COMMD10: variants seen among roughly 807,000 people sequenced by gnomAD.
The protein encoded by COMMD10 is COMM domain-containing protein 10.
A neutral mutation model predicts 28.9 loss-of-function variants in COMMD10; 33 were observed. That is an observed-to-expected ratio of 1.14 (90% CI 0.87 to 1.53). The LOEUF is 1.53. COMMD10 is among the 40% of genes most tolerant of loss of function. COMMD10 has a pLI of 0.00. For synonymous variants in COMMD10, 110 were observed against 81.7 expected, an observed-to-expected ratio of 1.35 and a Z score of -1.87; for missense variants, 310 against 233.4, an observed-to-expected ratio of 1.33 and a Z score of -2.14.
At chr5:116,111,970 G>C (rs1020631992) in intron 4 of COMMD10, among the ~76,000 whole-genome samples, 3 of 152,110 alleles carry the variant, frequency 2.0e-5, no homozygotes, top group African/African-American at 7.2e-5. Context: ...TGTATGTTTA[G>C]AATTGTTATG....
chr5:116,210,949 A>C (rs1043320809), intron 5 of COMMD10, among the ~76,000 whole-genome samples: 3 of 152,112 alleles, frequency 2.0e-5, no homozygotes, highest in African/African-American at 7.2e-5. Context: ...TAGTTACAAG[A>C]ACATTTACAT....
At chr5:116,216,973 G>A (rs2161321) in intron 5 of COMMD10, among the ~76,000 whole-genome samples, 47,558 of 151,976 alleles carry the variant, frequency 0.31, 10,281 homozygotes, top group African/African-American at 0.62. Flanking sequence ...TTATCAGGAT[G>A]TTTTGAGGGG....
intron 5 of COMMD10, among the ~76,000 whole-genome samples, chr5:116,221,396 C>G (rs149274094): frequency 4.5e-4 from 68 of 152,266 alleles, no homozygotes; most frequent in African/African-American, 1.6e-3. Flanking sequence ...GTGTTACAAA[C>G]CCTGCTATCT....
In COMMD10 at chr5:116,292,900, T is replaced by G. The variant is rs1751408723; in HGVS notation, c.*411T>G. 2.5e-6 allele frequency: 1 copy of G among 394,912 alleles called. No homozygotes were observed. The highest frequency in any genetic ancestry group is 4.5e-6 in the Non-Finnish European group (1 of 223,988). 24.5% of individuals were successfully genotyped at this position (394,912 alleles called of 1,614,324 possible). A position where few individuals can be genotyped will look rare whatever the true frequency, so the allele number is the denominator to read the frequency against. On this transcript the variant is annotated 3_prime_UTR_variant, in exon 7 of 7. Transcript: ENST00000274458. ...TACAGAGCTTTGGTAATTACATGAA[T>G]AAAATTAAGAAAATAGCCATATACA...
intron 4 of COMMD10, among the ~76,000 whole-genome samples, chr5:116,111,649 A>T (rs1302602653): frequency 6.6e-6 from 1 of 152,108 alleles, no homozygotes; most frequent in Non-Finnish European, 1.5e-5. Context: ...ACTTGGTATG[A>T]TTTGATTTTT....
intron 5 of COMMD10, among the ~76,000 whole-genome samples, chr5:116,266,295 A>G (rs1750582426): frequency 6.6e-6 from 1 of 151,680 alleles, no homozygotes; most frequent in Admixed American, 6.6e-5. Flanking sequence ...ATAATTTTTG[A>G]GGTATTATGG....
rs1239213793 is a variant in COMMD10 at position 116,276,972 on chromosome 5, C to G, written c.511-14545C>G. ...ATTAATTGTGGTGATAGTTGCACAA[C>G]TGTATGAACATTCTAAAAACCATTG... On this transcript the variant is annotated intron_variant, in intron 5 of 6. Transcript: ENST00000274458. Among the ~76,000 whole-genome samples, 6 of 151,862 alleles carry G rather than the reference C, an allele frequency of 4.0e-5. No individual in the cohort carries two copies. The East Asian group carries it at 1.2e-3, about 29-fold the overall frequency.
intron 5 of COMMD10, among the ~76,000 whole-genome samples, chr5:116,244,183 C>T (rs758487982): frequency 6.6e-6 from 1 of 151,982 alleles, no homozygotes; most frequent in Non-Finnish European, 1.5e-5. Flanking sequence ...GAGGTAGGGA[C>T]TGGTAAAAGA....
intron 4 of COMMD10, among the ~76,000 whole-genome samples, chr5:116,115,854 T>C (rs1174412330): frequency 6.6e-6 from 1 of 152,198 alleles, no homozygotes; most frequent in East Asian, 1.9e-4. Context: ...TTATGAGACT[T>C]GTAAATAATA....
chr5:116,286,849 T>A (rs951805190), intron 5 of COMMD10, among the ~76,000 whole-genome samples: 3 of 151,812 alleles, frequency 2.0e-5, no homozygotes, highest in African/African-American at 7.3e-5. Context: ...ATTAGAGTGT[T>A]CCGTATATGT....
chr5:116,128,460 A>G (rs1015293827), intron 4 of COMMD10, among the ~76,000 whole-genome samples: 2 of 152,076 alleles, frequency 1.3e-5, no homozygotes, highest in Non-Finnish European at 2.9e-5. Flanking sequence ...TAAAGAAATT[A>G]CATTAATATA....
Position 116,139,745 on chromosome 5 carries a change from T to G in COMMD10, c.510+5567T>G, listed in dbSNP as rs544780452. On this transcript the variant is annotated intron_variant, in intron 5 of 6. Transcript: ENST00000274458. ...TAAATAAAATCATTCTCTCACATAT[T>G]TAACATTGTTGAGTGGATTTTAAAT... Among the ~76,000 whole-genome samples, 48 of 151,820 alleles carry G rather than the reference T, an allele frequency of 3.2e-4. 1 individual carries two copies. Among genetic ancestry groups the G allele is most frequent in the Middle Eastern group, 3.4e-3 (1 of 294 alleles).
At chr5:116,148,640 C>T (rs773114151) in intron 5 of COMMD10, among the ~76,000 whole-genome samples, 1 of 148,608 alleles carries the variant, frequency 6.7e-6, no homozygotes, top group Non-Finnish European at 1.5e-5. Context: ...TCAATGGATT[C>T]TTTTTTTTTT....
chr5:116,209,177 A>G (rs539562151), intron 5 of COMMD10, among the ~76,000 whole-genome samples: 1 of 152,042 alleles, frequency 6.6e-6, no homozygotes, highest in South Asian at 2.1e-4. Context: ...TGACTAATTT[A>G]ATAATTTTTT....
At chr5:116,127,018 T>C (rs1274010042) in intron 4 of COMMD10, among the ~76,000 whole-genome samples, 1 of 152,122 alleles carries the variant, frequency 6.6e-6, no homozygotes, top group Non-Finnish European at 1.5e-5. Context: ...ATTTTTACAA[T>C]CTACCCAACT....
At chr5:116,208,624 A>G (rs780831694) in intron 5 of COMMD10, among the ~76,000 whole-genome samples, 4 of 152,220 alleles carry the variant, frequency 2.6e-5, no homozygotes, top group Non-Finnish European at 4.4e-5. Context: ...ATTGAAACAC[A>G]TAAAAGTGAT....
chr5:116,190,820 C>T lies in COMMD10; in HGVS notation c.510+56642C>T, dbSNP rs1180428131. On this transcript the variant is annotated intron_variant, in intron 5 of 6. Coordinates refer to ENST00000274458, the MANE Select transcript of COMMD10 (RefSeq NM_016144.4). ...GTTCTATAAAACTTTGAGATAGCTACATGTTTACTTTCAGAATAATTTAAA... is the reference window on the plus strand; with the variant it reads ...GTTCTATAAAACTTTGAGATAGCTATATGTTTACTTTCAGAATAATTTAAA... Among the ~76,000 whole-genome samples the T allele has an allele frequency of 2.6e-5, 4 of 152,160 alleles. No homozygotes were observed. In the South Asian group the frequency reaches 8.3e-4, roughly 32 times the overall value.
intron 5 of COMMD10, among the ~76,000 whole-genome samples, chr5:116,164,704 C>CT (rs1436481204): frequency 6.6e-6 from 1 of 152,122 alleles, no homozygotes; most frequent in African/African-American, 2.4e-5. Context: ...ATAATAATAT[C>CT]TGAAATAGTA....
At chr5:116,231,867 A>G (rs547494000) in intron 5 of COMMD10, among the ~76,000 whole-genome samples, 1 of 152,290 alleles carries the variant, frequency 6.6e-6, no homozygotes, top group South Asian at 2.1e-4. Flanking sequence ...AACAGAATAT[A>G]AAATGTAATG....
Sources: gnomAD v4.1 joint callset for allele counts (sites outside exome capture counted in the v4.1 genomes callset) on GRCh38, gnomAD v4.1.1 for gene constraint, MANE v1.5 for transcripts, NCBI Gene and HGNC (gene_info 2026-07-23, HGNC 2026-07-21) for gene names.